Variants in MIGA2 observed in about 807,000 individuals in gnomAD.
MIGA2 encodes mitoguardin 2.
In MIGA2, 36 loss-of-function variants were observed where a neutral mutation model predicts 69.9. The observed-to-expected ratio is 0.52, with a 90% CI of 0.39 to 0.68. MIGA2 has a LOEUF of 0.68. Ranked by LOEUF, MIGA2 falls within the 30% of genes least tolerant of loss-of-function variation. MIGA2 has a pLI of 0.00. For missense variants in MIGA2, 660 were observed against 787.7 expected, an observed-to-expected ratio of 0.84 and a Z score of 1.94; for synonymous variants, 333 against 349.2, an observed-to-expected ratio of 0.95 and a Z score of 0.52.
At position 129,049,616 on chromosome 9, in the gene MIGA2, A is replaced by G; in HGVS notation, c.538+118A>G. ...CCTCACTACCCTGCCCCAAATCCCAACTGGGTGATTTCCAGCCATTTCTGA... is the reference window on the plus strand; with the variant it reads ...CCTCACTACCCTGCCCCAAATCCCAGCTGGGTGATTTCCAGCCATTTCTGA... On this transcript the variant is annotated intron_variant, in intron 5 of 15. Transcript: ENST00000684074. 1.4e-5 allele frequency: 17 copies of G among 1,241,678 alleles called. No homozygotes were observed. In the South Asian group the frequency reaches 2.1e-4, roughly 15 times the overall value. The allele number at this position is 1,241,678 out of a possible 1,614,324, so 76.9% of individuals were successfully genotyped here.
In MIGA2 at chr9:129,069,407, C is replaced by T; in HGVS notation, c.1458+278C>T. The T allele has an allele frequency of 1.8e-6, 1 of 561,176 alleles. No homozygotes were observed. The highest frequency in any genetic ancestry group is 3.0e-5 in the East Asian group (1 of 33,342). The allele number at this position is 561,176 out of a possible 1,614,324, so 34.8% of individuals were successfully genotyped here. ...CACAGGGCTGGCAGCTGGCCTGGTG[C>T]AGGCGTCTCGGTGGGGGCAGGATAC... On this transcript the variant is annotated intron_variant, in intron 14 of 15. Coordinates refer to ENST00000684074, the MANE Select transcript of MIGA2 (RefSeq NM_001329990.2). The surrounding 1 kb of genome is among the most constrained non-coding windows in gnomAD (Gnocchi z 4.9).
rs747661739 is a variant in MIGA2, at chr9:129,063,566, A to C, written c.1105A>C (p.Asn369His). 6.2e-7 allele frequency: 1 copy of C among 1,612,630 alleles called. No homozygotes were observed. The highest frequency in any genetic ancestry group is 1.7e-5 in the Admixed American group (1 of 59,956). The part of the protein sequence containing the change: ...AFEGLLEDKS[N>H]QLFFGKVGRQ... ...CTAGGGGCTTCTGGAAGACAAGAGT[A>C]ACCAGCTTTTCTTCGGGAAAGTGGG... is the stretch of plus-strand genomic sequence containing the variant. Residue 369 changes from asparagine to histidine, a missense_variant, in exon 11 of 16, where the codon AAC becomes CAC. By Grantham distance (68) the Asn-to-His change is moderately conservative. Coordinates refer to ENST00000684074, the MANE Select transcript of MIGA2 (RefSeq NM_001329990.2).
At chr9:129,054,322 C>T (rs1003092825) in intron 6 of MIGA2, among the ~76,000 whole-genome samples, 3 of 151,564 alleles carry the variant, frequency 2.0e-5, no homozygotes, top group South Asian at 2.1e-4. Context: ...GGCATGGTGG[C>T]GCACACCATG....
chr9:129,037,537 A>C (rs1844659804), intron 1 of MIGA2, among the ~76,000 whole-genome samples: 1 of 152,092 alleles, frequency 6.6e-6, no homozygotes, highest in Admixed American at 6.6e-5. Flanking sequence ...ACAGGGTGCC[A>C]GGGGGACGGA....
Position 129,042,508 on chromosome 9 carries a change from AAG to A in MIGA2, c.303_304del (p.Lys102ArgfsTer25). 1 of 1,563,482 alleles carries A rather than the reference AAG, an allele frequency of 6.4e-7. No individual in the cohort carries two copies. The highest frequency in any genetic ancestry group is 1.4e-5 in the African/African-American group (1 of 73,710). ...ILLARKVPSV[K>X]KGYSSRRVQS... ...CTTGGCCAGGAAGGTCCCTTCAGTG[AAG>A]AAAGGTAGGTGTGAGGTGGTGGGCA... On this transcript the variant is annotated frameshift_variant, in exon 3 of 16. Transcript: ENST00000684074. LOFTEE classifies it high-confidence loss of function.
chr9:129,037,101 G>A, intron 1 of MIGA2: 2 of 978,466 alleles, frequency 2.0e-6, no homozygotes, highest in Non-Finnish European at 2.5e-6. Context: ...AATTTCTGAA[G>A]ACGGGGATAT....
chr9:129,062,006 T>C (rs1433244781), intron 9 of MIGA2, among the ~76,000 whole-genome samples: 1 of 151,890 alleles, frequency 6.6e-6, no homozygotes, highest in East Asian at 1.9e-4. Flanking sequence ...TTATGTATTA[T>C]TATCTTATTA....
At chr9:129,067,512 T>G in intron 11 of MIGA2, 8 of 476,266 alleles carry the variant, frequency 1.7e-5, no homozygotes, top group East Asian at 1.4e-4. Context: ...CCCTCCAAAG[T>G]GAGATCACAC....
chr9:129,054,134 A>C (rs1420035636), intron 6 of MIGA2, among the ~76,000 whole-genome samples: 16 of 152,198 alleles, frequency 1.1e-4, no homozygotes, highest in Non-Finnish European at 1.9e-4. Flanking sequence ...TATCACAATC[A>C]GTTTTGGAGC....
rs2131405338 is a variant in MIGA2 at position 129,071,762 on chromosome 9, C to T, written c.*1309C>T. 1 of 152,530 alleles carries T rather than the reference C, an allele frequency of 6.6e-6. No individual in the cohort carries two copies. The highest frequency in any genetic ancestry group is 1.5e-5 in the Non-Finnish European group (1 of 68,014). 9.4% of individuals were successfully genotyped at this position (152,530 alleles called of 1,614,324 possible). ...ACTAACCCGCCTCCCAGGCTGATGC[C>T]CGGAGGCAGCTTCCTGGGCAGGAGG... is the stretch of plus-strand genomic sequence containing the variant. On this transcript the variant is annotated 3_prime_UTR_variant, in exon 16 of 16. Coordinates refer to ENST00000684074, the MANE Select transcript of MIGA2 (RefSeq NM_001329990.2).
At chr9:129,043,964 T>C (rs887839894) in intron 3 of MIGA2, among the ~76,000 whole-genome samples, 2 of 151,752 alleles carry the variant, frequency 1.3e-5, no homozygotes, top group Non-Finnish European at 2.9e-5. Flanking sequence ...CCTCCCAAAG[T>C]GCTGGGATTA....
chr9:129,039,598 G>A (rs1158478177), intron 1 of MIGA2, among the ~76,000 whole-genome samples: 2 of 151,914 alleles, frequency 1.3e-5, no homozygotes, highest in Non-Finnish European at 2.9e-5. Context: ...TTGCTCTGTA[G>A]CCCAGGCTGG....
At chr9:129,058,616 C>T (rs1845912707) in intron 6 of MIGA2, among the ~76,000 whole-genome samples, 2 of 150,984 alleles carry the variant, frequency 1.3e-5, no homozygotes, top group Non-Finnish European at 1.5e-5. Context: ...TCTCCTGCCT[C>T]AGCCTCCTGA....
At chr9:129,044,602 G>T (rs916646578) in intron 3 of MIGA2, among the ~76,000 whole-genome samples, 2 of 152,026 alleles carry the variant, frequency 1.3e-5, no homozygotes, top group Non-Finnish European at 1.5e-5. Context: ...ACCCAGGCTG[G>T]AGTGCAATGG....
chr9:129,060,473 G>A lies in MIGA2; in HGVS notation c.794-77G>A, dbSNP rs1191048375. ...TGAAGCCTCCCCTGGGCCTGATGGG[G>A]GACTTCGTGTACCGGGATTCCAGCT... is the stretch of plus-strand genomic sequence containing the variant. On this transcript the variant is annotated intron_variant, in intron 7 of 15. Transcript: ENST00000684074. This position sits in a 1 kb window ranked among gnomAD's most constrained non-coding sequence, Gnocchi z 4.8. The A allele has an allele frequency of 1.7e-6, 2 of 1,208,346 alleles. No individual in the cohort carries two copies. The highest frequency in any genetic ancestry group is 2.3e-6 in the Non-Finnish European group (2 of 853,250). 74.9% of individuals were successfully genotyped at this position (1,208,346 alleles called of 1,614,324 possible). A position where few individuals can be genotyped will look rare whatever the true frequency, so the allele number is the denominator to read the frequency against.
At chr9:129,054,056 T>C (rs1370597101) in intron 6 of MIGA2, among the ~76,000 whole-genome samples, 3 of 151,948 alleles carry the variant, frequency 2.0e-5, no homozygotes, top group Non-Finnish European at 4.4e-5. Flanking sequence ...AGAAAAGATA[T>C]AATTCACATA....
intron 1 of MIGA2, among the ~76,000 whole-genome samples, chr9:129,038,468 A>G (rs1187434185): frequency 6.6e-6 from 1 of 152,112 alleles, no homozygotes; most frequent in Admixed American, 6.6e-5. Flanking sequence ...GGTCCAGGCT[A>G]GGTGTGATCA....
chr9:129,069,490 G>GAT lies in MIGA2; in HGVS notation c.1459-359_1459-358insAT, dbSNP rs1846550982. 2.0e-6 allele frequency: 1 copy of GAT among 508,932 alleles called. No individual in the cohort carries two copies. Among genetic ancestry groups the GAT allele is most frequent in the Admixed American group, 3.4e-5 (1 of 29,784 alleles). The allele number at this position is 508,932 out of a possible 1,614,324, so 31.5% of individuals were successfully genotyped here. On this transcript the variant is annotated intron_variant, in intron 14 of 15. Transcript: ENST00000684074. The surrounding 1 kb of genome is among the most constrained non-coding windows in gnomAD (Gnocchi z 4.9). ...CTTTCCCCGCCCCAGTCAGGCCCCT[G>GAT]TAATCTCCGCTCCCAGGCAGCGACT... is the stretch of plus-strand genomic sequence containing the variant.
chr9:129,050,770 A>C (rs1230351718), intron 6 of MIGA2, among the ~76,000 whole-genome samples: 2 of 151,658 alleles, frequency 1.3e-5, no homozygotes, highest in East Asian at 3.9e-4. Context: ...ACGGGGTTTC[A>C]CCACATTGGC....
Sources: allele counts gnomAD v4.1 joint callset (sites outside exome capture counted in the v4.1 genomes callset), GRCh38; gene constraint gnomAD v4.1.1; non-coding constraint Gnocchi (gnomAD v3.1); transcripts MANE v1.5; gene names NCBI Gene and HGNC (gene_info 2026-07-23, HGNC 2026-07-21).